SP3: variants seen among roughly 807,000 people sequenced by gnomAD.
SP3 encodes the protein Sp3 transcription factor, also known as transcription factor Sp3.
A neutral mutation model predicts 70.3 loss-of-function variants in SP3; 10 were observed. The observed-to-expected ratio is 0.14, with a 90% CI of 0.09 to 0.24. The LOEUF is 0.24. SP3 is among the 10% of genes least tolerant of loss of function. SP3 has a pLI of 1.00. For missense variants in SP3, 825 were observed against 914.6 expected (o/e 0.90, Z 1.26); for synonymous variants, 402 against 333.5 (o/e 1.21, Z -2.24).
Position 173,901,814 on chromosome 2 carries a change from G to A in SP3, c.*8127C>T, listed in dbSNP as rs138105976. On this transcript the variant is annotated 3_prime_UTR_variant, in exon 7 of 7. Transcript: ENST00000310015. ...CCTCCTGCGTTCAAGCGATTCTCGT[G>A]CCTCAGCCTCCCGAGTAGCTGGGAT... 6.7e-6 allele frequency among the ~76,000 whole-genome samples: 1 copy of A among 149,076 alleles called. No homozygotes were observed.
Position 173,905,731 on chromosome 2 carries a change from G to A in SP3, c.*4210C>T, listed in dbSNP as rs1689297867. Among the ~76,000 whole-genome samples the A allele has an allele frequency of 6.6e-6, 1 of 152,102 alleles. No homozygotes were observed. Among genetic ancestry groups the A allele is most frequent in the South Asian group, 2.1e-4 (1 of 4,830 alleles). On this transcript the variant is annotated 3_prime_UTR_variant, in exon 7 of 7. Coordinates refer to ENST00000310015, the MANE Select transcript of SP3 (RefSeq NM_003111.5). ...ACTCCAGATTTGGCCAAGCGTGGTGGCTCACGCCTATAATCCCAACACTTT... is the reference window on the plus strand; with the variant it reads ...ACTCCAGATTTGGCCAAGCGTGGTGACTCACGCCTATAATCCCAACACTTT...
chr2:173,901,349 G>T lies in SP3; in HGVS notation c.*8592C>A, dbSNP rs1296246002. On this transcript the variant is annotated 3_prime_UTR_variant, in exon 7 of 7. Transcript: ENST00000310015. ...CACCATAAACAAAATTAAAAGATAA[G>T]CCTTAGACTGAGAAAAGATACTATC... Among the ~76,000 whole-genome samples the T allele has an allele frequency of 2.0e-5, 3 of 151,764 alleles. No homozygotes were observed. Among genetic ancestry groups the T allele is most frequent in the African/African-American group, 7.3e-5 (3 of 41,306 alleles).
chr2:173,901,683 T>C lies in SP3; in HGVS notation c.*8258A>G, dbSNP rs1162666972. ...AAATGAACAGCAGGGAAACAGTTAG[T>C]TGGACTTAAGCCTTTTTTTTTTTTT... On this transcript the variant is annotated 3_prime_UTR_variant, in exon 7 of 7. Transcript: ENST00000310015. 2.0e-5 allele frequency among the ~76,000 whole-genome samples: 3 copies of C among 149,408 alleles called. No homozygotes were observed. Among genetic ancestry groups the C allele is most frequent in the Non-Finnish European group, 3.0e-5 (2 of 67,636 alleles).
chr2:173,914,595 G>A (rs901111770), intron 5 of SP3: 1 of 152,274 alleles, frequency 6.6e-6, no homozygotes, highest in Non-Finnish European at 1.5e-5. Flanking sequence ...TGGAGGAGGT[G>A]GGTAGGATTT....
chr2:173,907,537 A>T lies in SP3; in HGVS notation c.*2404T>A, dbSNP rs1689365928. On this transcript the variant is annotated 3_prime_UTR_variant, in exon 7 of 7. Transcript: ENST00000310015. The stretch of plus-strand genomic sequence containing the variant: ...ATTTAAATAATTTTCAAGACTACTT[A>T]CTTTCTTCATTGCATTCATTCTCCA... The T allele has an allele frequency of 6.6e-6, 1 of 152,104 alleles. No homozygotes were observed. The highest frequency in any genetic ancestry group is 1.5e-5 in the Non-Finnish European group (1 of 67,926). 9.4% of individuals were successfully genotyped at this position (152,104 alleles called of 1,614,324 possible).
intron 5 of SP3, among the ~76,000 whole-genome samples, chr2:173,918,044 T>G (rs1234829554): frequency 6.6e-6 from 1 of 151,948 alleles, no homozygotes; most frequent in Non-Finnish European, 1.5e-5. Context: ...ATTATTAAGC[T>G]TAGTACATCC....
At chr2:173,933,038 G>T (rs1411631163) in intron 4 of SP3, among the ~76,000 whole-genome samples, 1 of 151,944 alleles carries the variant, frequency 6.6e-6, no homozygotes, top group Admixed American at 6.6e-5. Context: ...AATATTCCAA[G>T]AATTGCCAAA....
intron 4 of SP3, among the ~76,000 whole-genome samples, chr2:173,927,126 C>A (rs12467953): frequency 0.041 from 6,218 of 152,114 alleles, 196 homozygotes; most frequent in Admixed American, 0.1. Context: ...AACTCACTAT[C>A]ACCAAGACAA....
chr2:173,965,026 G>A (rs1221082542), intron 1 of SP3, 139 bp downstream of exon 1: 13 of 1,109,184 alleles, frequency 1.2e-5, no homozygotes, highest in Non-Finnish European at 1.7e-5. Context: ...AGGCGCAGGG[G>A]AGTGCAGCTT....
At chr2:173,947,387 C>CT (rs1207959948) in intron 4 of SP3, among the ~76,000 whole-genome samples, 2 of 151,938 alleles carry the variant, frequency 1.3e-5, no homozygotes, top group African/African-American at 4.8e-5. Flanking sequence ...TAAAGGTTGT[C>CT]TTTTTTCTCC....
chr2:173,913,411 C>G, intron 5 of SP3, 145 bp from the exon 6 acceptor site: 3 of 528,674 alleles, frequency 5.7e-6, no homozygotes, highest in Non-Finnish European at 8.9e-6. Flanking sequence ...CATTTAAAAT[C>G]AGTTTAAATG....
At chr2:173,960,027 A>G (rs1190552989) in intron 3 of SP3, among the ~76,000 whole-genome samples, 2 of 152,244 alleles carry the variant, frequency 1.3e-5, no homozygotes, top group East Asian at 3.9e-4. Context: ...AAAATTAGCC[A>G]GGCGTGGTGG....
intron 4 of SP3, among the ~76,000 whole-genome samples, chr2:173,921,936 T>C (rs1689766988): frequency 6.6e-6 from 1 of 152,166 alleles, no homozygotes; most frequent in Non-Finnish European, 1.5e-5. Context: ...CCTCTACTTC[T>C]ACCATGTGAC....
In SP3 at chr2:173,958,274, T is replaced by G. The variant is rs1161969974; in HGVS notation, c.280-2042A>C. ...CAAATTTACAGCACCTAAAGTGTTTTTTTTTTTTTTTTACAAAATAGTAAT... is the reference window on the plus strand; with the variant it reads ...CAAATTTACAGCACCTAAAGTGTTTGTTTTTTTTTTTTACAAAATAGTAAT... On this transcript the variant is annotated intron_variant, in intron 3 of 6. Transcript: ENST00000310015. 2.0e-5 allele frequency among the ~76,000 whole-genome samples: 3 copies of G among 151,520 alleles called. No homozygotes were observed. In the South Asian group the frequency reaches 6.2e-4, roughly 31 times the overall value.
In SP3 at chr2:173,903,297, A is replaced by G. The variant is rs1689221559; in HGVS notation, c.*6644T>C. ...ATCACTCTATGAAGATGACGCTAGC[A>G]TCATTCTCATTTTATAGTTAGAGAA... On this transcript the variant is annotated 3_prime_UTR_variant, in exon 7 of 7. Coordinates refer to ENST00000310015, the MANE Select transcript of SP3 (RefSeq NM_003111.5). 6.6e-6 allele frequency among the ~76,000 whole-genome samples: 1 copy of G among 152,268 alleles called. No individual in the cohort carries two copies. Among genetic ancestry groups the G allele is most frequent in the Non-Finnish European group, 1.5e-5 (1 of 68,042 alleles).
chr2:173,952,832 AC>A (rs1210597284), intron 4 of SP3, among the ~76,000 whole-genome samples: 2 of 152,246 alleles, frequency 1.3e-5, no homozygotes, highest in African/African-American at 2.4e-5. Context: ...TTACACTGAT[AC>A]GAAATAACTG....
intron 4 of SP3, among the ~76,000 whole-genome samples, chr2:173,938,591 A>G (rs1015208849): frequency 6.8e-6 from 1 of 147,790 alleles, no homozygotes; most frequent in Non-Finnish European, 1.5e-5. Flanking sequence ...AAGAATGCAG[A>G]AAAAAAAAAG....
intron 4 of SP3, among the ~76,000 whole-genome samples, chr2:173,945,834 A>C (rs1411709365): frequency 6.6e-6 from 1 of 152,212 alleles, no homozygotes; most frequent in Non-Finnish European, 1.5e-5. Flanking sequence ...GCTTTAAAAT[A>C]ACCCAGCAAA....
chr2:173,919,379 G>A (rs897121995), intron 4 of SP3, among the ~76,000 whole-genome samples: 1 of 152,102 alleles, frequency 6.6e-6, no homozygotes, highest in Non-Finnish European at 1.5e-5. Flanking sequence ...ATTCTCCTTT[G>A]CATACCAACT....
Sources: allele counts gnomAD v4.1 joint callset (sites outside exome capture counted in the v4.1 genomes callset), GRCh38; gene constraint gnomAD v4.1.1; transcripts MANE v1.5; gene names NCBI Gene and HGNC (gene_info 2026-07-23, HGNC 2026-07-21).